The following SEC16B variants were observed in gnomAD, a reference collection of about 807,000 sequenced individuals.
SEC16B encodes SEC16 homolog B, endoplasmic reticulum export factor.
SEC16B carries 115 observed loss-of-function variants against 141.8 expected under a neutral mutation model. That is an observed-to-expected ratio of 0.81 (90% CI 0.70 to 0.95). SEC16B has a LOEUF of 0.95. SEC16B is among the 40% of genes least tolerant of loss of function. The probability of loss-of-function intolerance (pLI) is 0.00; values close to 1 mark genes in which losing one functional copy is unlikely to be tolerated. For missense variants in SEC16B, 1,291 were observed against 1,312.3 expected, an observed-to-expected ratio of 0.98 and a Z score of 0.25; for synonymous variants, 493 against 492.5, an observed-to-expected ratio of 1.00 and a Z score of -0.01.
rs550861950 is a variant in SEC16B, at chr1:177,960,151, A to G, written c.998+191T>C. On this transcript the variant is annotated intron_variant, in intron 8 of 25. Transcript: ENST00000308284. Reference sequence around the variant, plus strand: ...TGCTAATTTTTCTTTCTGTCCTTCAACTATTGAATGGCTTGTCAAAATGAC... The same window carrying G: ...TGCTAATTTTTCTTTCTGTCCTTCAGCTATTGAATGGCTTGTCAAAATGAC... The G allele has an allele frequency of 5.6e-4, 324 of 575,988 alleles. No individual in the cohort carries two copies. In the Middle Eastern group the frequency reaches 8.1e-3, roughly 14 times the overall value. The allele number at this position is 575,988 out of a possible 1,614,324, so 35.7% of individuals were successfully genotyped here. A position where few individuals can be genotyped will look rare whatever the true frequency, so the allele number is the denominator to read the frequency against.
Position 177,958,204 on chromosome 1 carries a change from G to A in SEC16B, c.1293C>T (p.Ile431=), listed in dbSNP as rs774683887. The A allele has an allele frequency of 3.8e-6, 6 of 1,598,926 alleles. No individual in the cohort carries two copies. The Admixed American group carries it at 5.1e-5, about 14-fold the overall frequency. Reference sequence around the variant, plus strand: ...GCGCAGGTGTCTCCACACTGGGGGGGATCTCTCCCGTGAGCAGGTTCGGGG... The same window carrying A: ...GCGCAGGTGTCTCCACACTGGGGGGAATCTCTCCCGTGAGCAGGTTCGGGG... The part of the protein sequence containing the change: ...SGTPNLLTGE[I]PPSVETPAQI... The change falls in exon 10 of 26, where the codon ATC becomes ATT. Residue 431 remains isoleucine (I), a synonymous_variant. Coordinates refer to ENST00000308284, the MANE Select transcript of SEC16B (RefSeq NM_033127.4).
intron 1 of SEC16B, among the ~76,000 whole-genome samples, chr1:177,981,371 G>A (rs1352647573): frequency 6.6e-6 from 1 of 152,020 alleles, no homozygotes; most frequent in African/African-American, 2.4e-5. Flanking sequence ...GTCAGCACAT[G>A]TCCAGAGACA....
chr1:177,934,286 C>T (rs1293239639), intron 20 of SEC16B, among the ~76,000 whole-genome samples: 2 of 152,132 alleles, frequency 1.3e-5, no homozygotes, highest in Admixed American at 6.5e-5. Context: ...ATCCCCATTA[C>T]CTAACTCCCC....
chr1:177,978,581 G>C (rs1024856383), intron 1 of SEC16B, among the ~76,000 whole-genome samples: 1 of 152,050 alleles, frequency 6.6e-6, no homozygotes, highest in Non-Finnish European at 1.5e-5. Context: ...GCTCACACCT[G>C]TAGTCTTACC....
chr1:177,975,674 T>A (rs1654143709), intron 1 of SEC16B, among the ~76,000 whole-genome samples: 1 of 152,230 alleles, frequency 6.6e-6, no homozygotes, highest in Non-Finnish European at 1.5e-5. Flanking sequence ...TGGCCACACA[T>A]GTATTTCCAG....
chr1:177,961,037 T>C (rs1653024527), intron 6 of SEC16B, 98 bp from the exon 7 acceptor site: 1 of 1,347,308 alleles, frequency 7.4e-7, no homozygotes, highest in African/African-American at 1.4e-5. Context: ...GCCCAAATTC[T>C]GCCTGAACCA....
Position 177,931,551 on chromosome 1 carries a change from C to T in SEC16B, c.3013-908G>A, listed in dbSNP as rs531145426. ...ACCACTATATAATTCATCTATTAACCAAAAACCACTTGTGCCCCAAAAGCT... is the reference window on the plus strand; with the variant it reads ...ACCACTATATAATTCATCTATTAACTAAAAACCACTTGTGCCCCAAAAGCT... On this transcript the variant is annotated intron_variant, in intron 24 of 25. Coordinates refer to ENST00000308284, the MANE Select transcript of SEC16B (RefSeq NM_033127.4). Among the ~76,000 whole-genome samples the T allele has an allele frequency of 6.6e-5, 10 of 152,202 alleles. No homozygotes were observed. The South Asian group carries it at 1.9e-3, about 28-fold the overall frequency.
chr1:177,956,207 G>A (rs948728955), intron 10 of SEC16B, among the ~76,000 whole-genome samples: 15 of 151,864 alleles, frequency 9.9e-5, no homozygotes, highest in Non-Finnish European at 1.6e-4. Context: ...ACTGAAACAC[G>A]GCCACCTCCA....
chr1:177,965,307 G>C, intron 3 of SEC16B, 140 bp from the exon 4 acceptor site: 1 of 1,025,030 alleles, frequency 9.8e-7, no homozygotes, highest in Non-Finnish European at 1.4e-6. Context: ...AAAATAGATA[G>C]GTGAGAGCTA....
At position 177,937,332 on chromosome 1, in the gene SEC16B, C is replaced by G; in HGVS notation, c.2385G>C (p.Pro795=). 6.2e-7 allele frequency: 1 copy of G among 1,613,760 alleles called. No individual in the cohort carries two copies. The highest frequency in any genetic ancestry group is 1.1e-5 in the South Asian group (1 of 90,992). Residue 795 remains proline (P), a synonymous_variant, in exon 19 of 26, where the codon CCG becomes CCC. Transcript: ENST00000308284. ...TCTCAGGAACTGAGTAAAAAGGCCTCGGTGTCCCTGTCTGCCCTGCACCCC... is the reference window on the plus strand; with the variant it reads ...TCTCAGGAACTGAGTAAAAAGGCCTGGGTGTCCCTGTCTGCCCTGCACCCC... The part of the protein sequence containing the change: ...AGGGAGQTGT[P]RPFYSVPETH...
intron 18 of SEC16B, among the ~76,000 whole-genome samples, chr1:177,939,194 C>A (rs558411286): frequency 6.6e-6 from 1 of 152,324 alleles, no homozygotes; most frequent in Non-Finnish European, 1.5e-5. Flanking sequence ...ACACAGTTAA[C>A]CAGGGATATG....
Position 177,958,830 on chromosome 1 carries a change from C to T in SEC16B, c.1134+10G>A, listed in dbSNP as rs1161135814. ...GCCTGCACCTGCTCTCCCACCAGAA[C>T]AGAACTTACCCCATTCTGGCGACAA... On this transcript the variant is annotated intron_variant, in intron 9 of 25. Transcript: ENST00000308284. 1.2e-6 allele frequency: 2 copies of T among 1,611,362 alleles called. No individual in the cohort carries two copies. The highest frequency in any genetic ancestry group is 1.7e-5 in the Admixed American group (1 of 59,830).
chr1:177,933,031 T>G (rs1650564389), intron 22 of SEC16B, among the ~76,000 whole-genome samples, 183 bp downstream of exon 22: 2 of 152,176 alleles, frequency 1.3e-5, no homozygotes. Flanking sequence ...TTTTTAAAGC[T>G]TTTTTAATCT....
intron 12 of SEC16B, 51 bp downstream of exon 12, chr1:177,951,863 C>G: frequency 2.7e-6 from 4 of 1,486,938 alleles, no homozygotes; most frequent in South Asian, 1.2e-5. Context: ...TCCCCGCCCC[C>G]TCAAGCCCTT....
chr1:177,950,463 T>C (rs79787338), intron 12 of SEC16B, among the ~76,000 whole-genome samples: 4,252 of 151,872 alleles, frequency 0.028, 101 homozygotes, highest in East Asian at 0.14. Context: ...GAAATAAAAA[T>C]CCAGGGAAGA....
intron 17 of SEC16B, 88 bp downstream of exon 17, chr1:177,940,522 T>C (rs1168047038): frequency 2.2e-6 from 2 of 889,376 alleles, no homozygotes; most frequent in East Asian, 5.2e-5. Context: ...GACTTGCTAA[T>C]GTCAGTGCCT....
chr1:177,969,576 T>G (rs186652825), intron 1 of SEC16B, among the ~76,000 whole-genome samples: 176 of 152,310 alleles, frequency 1.2e-3, no homozygotes, highest in Middle Eastern at 3.4e-3. Context: ...TGTCCCCAGA[T>G]AGTCTCATTA....
At chr1:177,954,195 G>A in intron 11 of SEC16B, 84 bp downstream of exon 11, 2 of 992,154 alleles carry the variant, frequency 2.0e-6, no homozygotes, top group Non-Finnish European at 1.5e-6. Context: ...TAGCGCGTCT[G>A]ACATTTCTCC....
At chr1:177,938,297 CG>C (rs552389438) in intron 18 of SEC16B, among the ~76,000 whole-genome samples, 2,148 of 146,610 alleles carry the variant, frequency 0.015, 70 homozygotes, top group African/African-American at 0.05. Flanking sequence ...TTCTGTGTCC[CG>C]AAAAGATCTT....
Sources: gnomAD v4.1 joint callset for allele counts (sites outside exome capture counted in the v4.1 genomes callset) on GRCh38, gnomAD v4.1.1 for gene constraint, MANE v1.5 for transcripts, NCBI Gene and HGNC (gene_info 2026-07-23, HGNC 2026-07-21) for gene names.